The following SYT13 variants were observed in gnomAD, a reference collection of about 807,000 sequenced individuals.
SYT13 encodes synaptotagmin 13, also known as synaptotagmin-13.
Under a neutral mutation model 38.6 loss-of-function variants are expected in SYT13, and 21 were observed. That is an observed-to-expected ratio of 0.54 (90% CI 0.39 to 0.78). The LOEUF (loss-of-function observed/expected upper bound fraction) is 0.78, where lower values mean the gene tolerates loss of function less well. SYT13 is among the 30% of genes least tolerant of loss of function. The pLI, the probability that SYT13 is intolerant of heterozygous loss-of-function variation, is 0.00. For synonymous variants in SYT13, 241 were observed against 237.6 expected, an observed-to-expected ratio of 1.01 and a Z score of -0.13; for missense variants, 495 against 548.7, an observed-to-expected ratio of 0.90 and a Z score of 0.98.
chr11:45,252,427 T>C lies in SYT13; in HGVS notation c.840A>G (p.Ser280=). The part of the protein sequence containing the change: ...GAAQWGELKT[S]AKEPSAGAGE... ...AACCCAGGGGTTACCCTACCTTCGC[T>C]GAAGTCTTCAGCTCGCCCCACTGGG... Residue 280 remains serine (S), a synonymous_variant, in exon 4 of 6, where the codon TCA becomes TCG. Transcript: ENST00000020926. This position sits in a 1 kb window ranked among gnomAD's most constrained non-coding sequence, Gnocchi z 4.3. 6.3e-7 allele frequency: 1 copy of C among 1,581,740 alleles called. No homozygotes were observed. The highest frequency in any genetic ancestry group is 8.6e-7 in the Non-Finnish European group (1 of 1,160,714).
intron 5 of SYT13, among the ~76,000 whole-genome samples, chr11:45,244,602 C>T (rs891832243): frequency 8.5e-5 from 13 of 152,186 alleles, no homozygotes; most frequent in Admixed American, 3.9e-4. Context: ...GCATCCCACC[C>T]GGACAATCTA....
intron 1 of SYT13, among the ~76,000 whole-genome samples, chr11:45,270,998 A>G (rs934072963): frequency 2.0e-5 from 3 of 152,332 alleles, no homozygotes; most frequent in Admixed American, 2.0e-4. Context: ...CATGGGAGAC[A>G]CAGGAGTAAG....
intron 1 of SYT13, among the ~76,000 whole-genome samples, chr11:45,277,095 T>A (rs76699754): frequency 0.013 from 1,975 of 152,302 alleles, 44 homozygotes; most frequent in African/African-American, 0.046. Context: ...ATACATTCTA[T>A]GATGTGGATG....
chr11:45,240,432 TGAC>T lies in SYT13; in HGVS notation c.*3617_*3619del, dbSNP rs1565369606. ...GACTGCAAAACACACACTTAGCATT[TGAC>T]AACAGGAAACACAGAGGGCAGAAAC... On this transcript the variant is annotated 3_prime_UTR_variant, in exon 6 of 6. Transcript: ENST00000020926. 1 of 152,640 alleles carries T rather than the reference TGAC, an allele frequency of 6.6e-6. No homozygotes were observed. Among genetic ancestry groups the T allele is most frequent in the African/African-American group, 2.4e-5 (1 of 41,448 alleles). The allele number at this position is 152,640 out of a possible 1,614,324, so 9.5% of individuals were successfully genotyped here.
At chr11:45,248,891 C>A (rs940649177) in intron 4 of SYT13, among the ~76,000 whole-genome samples, 1 of 152,364 alleles carries the variant, frequency 6.6e-6, no homozygotes, top group South Asian at 2.1e-4. Flanking sequence ...GCTCCCTGGG[C>A]ACTGCTGCTG....
chr11:45,257,497 G>A (rs967864946), intron 1 of SYT13, among the ~76,000 whole-genome samples: 2 of 152,238 alleles, frequency 1.3e-5, no homozygotes, highest in Non-Finnish European at 2.9e-5. Flanking sequence ...GGTGCAGATG[G>A]CTGGCAGCAG....
rs370779720 is a variant in SYT13 at position 45,265,588 on chromosome 11, G to A, written c.184-9697C>T. Among the ~76,000 whole-genome samples the A allele has an allele frequency of 6.6e-5, 10 of 152,276 alleles. No individual in the cohort carries two copies. The South Asian group carries it at 8.3e-4, about 13-fold the overall frequency. On this transcript the variant is annotated intron_variant, in intron 1 of 5. Coordinates refer to ENST00000020926, the MANE Select transcript of SYT13 (RefSeq NM_020826.3). ...GGTATCTGGGGAAAGCCCACTTCCC[G>A]GTTTGCAGAGAGCCATTTTGTTGCA... is the stretch of plus-strand genomic sequence containing the variant.
Position 45,286,184 on chromosome 11 carries a change from G to A in SYT13, c.24C>T (p.Ile8=). 1 of 1,574,036 alleles carries A rather than the reference G, an allele frequency of 6.4e-7. No individual in the cohort carries two copies. Among genetic ancestry groups the A allele is most frequent in the South Asian group, 1.2e-5 (1 of 86,130 alleles). MVLSVPV[I]ALGATLGTAT... is the part of the protein sequence containing the mutation. ...CTGTGCCCAGCGTGGCGCCCAGCGC[G>A]ATCACAGGCACCGACAGCACCATGG... is the stretch of plus-strand genomic sequence containing the variant. The change falls in exon 1 of 6, where the codon ATC becomes ATT. Residue 8 remains isoleucine, a synonymous_variant. Coordinates refer to ENST00000020926, the MANE Select transcript of SYT13 (RefSeq NM_020826.3).
intron 4 of SYT13, among the ~76,000 whole-genome samples, chr11:45,251,303 C>T (rs1472377139): frequency 3.4e-5 from 5 of 145,442 alleles, no homozygotes; most frequent in Non-Finnish European, 6.0e-5. Flanking sequence ...GCACGAGAAT[C>T]GCTTGAACCC....
At chr11:45,275,432 C>G (rs1047873996) in intron 1 of SYT13, among the ~76,000 whole-genome samples, 2 of 152,172 alleles carry the variant, frequency 1.3e-5, no homozygotes, top group Non-Finnish European at 2.9e-5. Flanking sequence ...TTATTTGACT[C>G]TGATCTGTTC....
At chr11:45,251,050 A>T (rs866605656) in intron 4 of SYT13, among the ~76,000 whole-genome samples, 1 of 152,064 alleles carries the variant, frequency 6.6e-6, no homozygotes, top group South Asian at 2.1e-4. Flanking sequence ...GAGTGGCAGC[A>T]CTCAGGTAGA....
chr11:45,241,522 A>ACCC lies in SYT13; in HGVS notation c.*2529_*2530insGGG, dbSNP rs1854551657. The ACCC allele has an allele frequency of 2.7e-5, 1 of 36,696 alleles. No individual in the cohort carries two copies. Among genetic ancestry groups the ACCC allele is most frequent in the African/African-American group, 8.6e-5 (1 of 11,678 alleles). 2.3% of individuals were successfully genotyped at this position (36,696 alleles called of 1,614,324 possible). ...ATCCCTCCCCCGCCCCGCCCCCCCA[A>ACCC]AAAAAAGAAGAAGAAGAATGAAAGG... On this transcript the variant is annotated 3_prime_UTR_variant, in exon 6 of 6. Transcript: ENST00000020926.
intron 1 of SYT13, among the ~76,000 whole-genome samples, chr11:45,260,987 CAG>C (rs1003869972): frequency 2.0e-5 from 3 of 152,188 alleles, no homozygotes; most frequent in Admixed American, 2.0e-4. Context: ...CCCAGATGTG[CAG>C]AGAGTTAAAG....
In SYT13 at chr11:45,244,269, A is replaced by G. The variant is rs1248914978; in HGVS notation, c.1064T>C (p.Val355Ala). ...TKRAKHKINP[V>A]WNEMIMFELP... ...CTCAAACATGATCATCTCGTTCCAC[A>G]CGGGGTTGATCTTGTGCTTAGCTCG... is the stretch of plus-strand genomic sequence containing the variant. The change falls in exon 6 of 6, where the codon GTG (valine) becomes GCG (alanine). Residue 355 changes from valine to alanine, a missense_variant. By Grantham distance (64) the Val-to-Ala change is moderately conservative (BLOSUM62 0). Coordinates refer to ENST00000020926, the MANE Select transcript of SYT13 (RefSeq NM_020826.3). The G allele has an allele frequency of 1.2e-6, 2 of 1,613,886 alleles. No homozygotes were observed. The highest frequency in any genetic ancestry group is 1.7e-6 in the Non-Finnish European group (2 of 1,180,050).
At chr11:45,249,809 G>A (rs572637123) in intron 4 of SYT13, among the ~76,000 whole-genome samples, 1 of 152,240 alleles carries the variant, frequency 6.6e-6, no homozygotes, top group East Asian at 1.9e-4. Context: ...ATGACTAGTT[G>A]ATGAGCGCAG....
intron 1 of SYT13, among the ~76,000 whole-genome samples, chr11:45,263,681 T>G (rs77164241): frequency 0.024 from 3,645 of 152,310 alleles, 156 homozygotes; most frequent in African/African-American, 0.084. Flanking sequence ...TGCAAGAGTC[T>G]GTCGCTCTGG....
chr11:45,262,623 G>A (rs1323718840), intron 1 of SYT13, among the ~76,000 whole-genome samples: 2 of 151,750 alleles, frequency 1.3e-5, no homozygotes, highest in Non-Finnish European at 2.9e-5. Flanking sequence ...CTACTCAGGC[G>A]GCCGAGGTGG....
At chr11:45,253,867 G>A (rs1296947371) in intron 3 of SYT13, 1 of 154,408 alleles carries the variant, frequency 6.5e-6, no homozygotes. Context: ...CTGAGCTACG[G>A]CCAATGGGAT....
rs1462306256 is a variant in SYT13, at chr11:45,254,592, T to C, written c.410-188A>G. On this transcript the variant is annotated intron_variant, in intron 2 of 5. Transcript: ENST00000020926. ...GTCACAGCCCATTAGGCTGCATCTGTGTCCACTGGCTCCCTCATCAACCAC... is the reference window on the plus strand; with the variant it reads ...GTCACAGCCCATTAGGCTGCATCTGCGTCCACTGGCTCCCTCATCAACCAC... 3 of 615,226 alleles carry C rather than the reference T, an allele frequency of 4.9e-6. No individual in the cohort carries two copies. The East Asian group carries it at 9.7e-5, about 20-fold the overall frequency. The allele number at this position is 615,226 out of a possible 1,614,324, so 38.1% of individuals were successfully genotyped here.
Sources: gnomAD v4.1 joint callset for allele counts (sites outside exome capture counted in the v4.1 genomes callset) on GRCh38, gnomAD v4.1.1 for gene constraint, Gnocchi (gnomAD v3.1) non-coding constraint, MANE v1.5 for transcripts, NCBI Gene and HGNC (gene_info 2026-07-23, HGNC 2026-07-21) for gene names.